The following CD86 variants were observed in gnomAD, a reference collection of about 807,000 sequenced individuals.
The protein encoded by CD86 is T-lymphocyte activation antigen CD86.
Under a neutral mutation model 32.1 loss-of-function variants are expected in CD86, and 11 were observed. That is an observed-to-expected ratio of 0.34 (90% confidence interval 0.22 to 0.57). The LOEUF (loss-of-function observed/expected upper bound fraction) is 0.57, where lower values mean the gene tolerates loss of function less well. Ranked by LOEUF, CD86 falls within the 20% of genes least tolerant of loss-of-function variation. The pLI is 0.86. For missense variants in CD86, 359 were observed against 398.4 expected (o/e 0.90, Z 0.84); for synonymous variants, 137 against 135.3 (o/e 1.01, Z -0.09).
chr3:122,085,766 G>A (rs1173129524), intron 1 of CD86, among the ~76,000 whole-genome samples: 4 of 152,068 alleles, frequency 2.6e-5, no homozygotes, highest in East Asian at 1.9e-4. Flanking sequence ...GAGAAGTAAC[G>A]CTGTGCAGCA....
chr3:122,116,400 G>A (rs1012524042), intron 5 of CD86, among the ~76,000 whole-genome samples: 5 of 152,086 alleles, frequency 3.3e-5, no homozygotes, highest in African/African-American at 4.8e-5. Context: ...AACATCATTA[G>A]TCATCAGGGA....
Position 122,055,410 on chromosome 3 carries a change from C to G in CD86, c.-80C>G. On this transcript the variant is annotated 5_prime_UTR_variant, in exon 1 of 7. Coordinates refer to ENST00000330540, the MANE Select transcript of CD86 (RefSeq NM_175862.5). ...ACAGGGTGAAAGCTTTGCTTCTCTG[C>G]TGCTGTAACAGGGACTAGCACAGAC... The G allele has an allele frequency of 7.2e-7, 1 of 1,392,824 alleles. No homozygotes were observed. The highest frequency in any genetic ancestry group is 1.2e-5 in the South Asian group (1 of 85,926). The allele number at this position is 1,392,824 out of a possible 1,614,324, so 86.3% of individuals were successfully genotyped here.
chr3:122,073,775 T>G (rs1158368316), intron 1 of CD86, among the ~76,000 whole-genome samples: 2 of 152,174 alleles, frequency 1.3e-5, no homozygotes, highest in Non-Finnish European at 2.9e-5. Flanking sequence ...GTGTTTACGG[T>G]GAAATCCTGG....
intron 1 of CD86, among the ~76,000 whole-genome samples, chr3:122,083,206 A>G (rs1470338151): frequency 1.3e-5 from 2 of 152,176 alleles, no homozygotes; most frequent in Non-Finnish European, 2.9e-5. Flanking sequence ...CACAGAAACC[A>G]TGGTCATCTT....
chr3:122,094,980 C>T (rs548302742), intron 2 of CD86, among the ~76,000 whole-genome samples: 2 of 152,288 alleles, frequency 1.3e-5, no homozygotes, highest in East Asian at 1.9e-4. Flanking sequence ...TAGGCTGGAG[C>T]CAGAGAGGTT....
At chr3:122,094,353 C>G (rs914427311) in intron 2 of CD86, among the ~76,000 whole-genome samples, 1 of 152,118 alleles carries the variant, frequency 6.6e-6, no homozygotes, top group African/African-American at 2.4e-5. Context: ...AAAGAGTTAC[C>G]AATATTGAAA....
At chr3:122,063,502 G>A (rs1235320957) in intron 1 of CD86, among the ~76,000 whole-genome samples, 1 of 151,970 alleles carries the variant, frequency 6.6e-6, no homozygotes, top group Non-Finnish European at 1.5e-5. Context: ...ACAACATAAG[G>A]CTACATACAG....
At chr3:122,057,317 G>A (rs1022235971) in intron 1 of CD86, among the ~76,000 whole-genome samples, 1 of 152,028 alleles carries the variant, frequency 6.6e-6, no homozygotes, top group Non-Finnish European at 1.5e-5. Context: ...TCTTGCTATT[G>A]TTTCTAATAA....
In CD86 at chr3:122,105,965, C is replaced by A. The variant is rs577980842; in HGVS notation, c.401-233C>A. Reference sequence around the variant, plus strand: ...CAGCCCTCCTGTCACTTAGAGAGCACCCCTTTGATTTGGATAAGCAGGAAG... The same window carrying A: ...CAGCCCTCCTGTCACTTAGAGAGCAACCCTTTGATTTGGATAAGCAGGAAG... On this transcript the variant is annotated intron_variant, in intron 3 of 6. Coordinates refer to ENST00000330540, the MANE Select transcript of CD86 (RefSeq NM_175862.5). 5.8e-4 allele frequency among the ~76,000 whole-genome samples: 89 copies of A among 152,220 alleles called. 1 individual carries two copies. The South Asian group carries it at 9.1e-3, about 16-fold the overall frequency.
intron 2 of CD86, among the ~76,000 whole-genome samples, chr3:122,097,714 C>T (rs13087981): frequency 1.3e-3 from 200 of 152,014 alleles, no homozygotes; most frequent in Admixed American, 2.7e-3. Flanking sequence ...ACTGAGTTAG[C>T]GTGGGGAATA....
intron 1 of CD86, among the ~76,000 whole-genome samples, chr3:122,073,410 G>A (rs566137025): frequency 6.6e-6 from 1 of 151,930 alleles, no homozygotes; most frequent in East Asian, 1.9e-4. Flanking sequence ...TGTGTATTTT[G>A]GATACCAGCC....
chr3:122,082,001 G>A (rs539476469), intron 1 of CD86, among the ~76,000 whole-genome samples: 14 of 152,344 alleles, frequency 9.2e-5, no homozygotes, highest in Non-Finnish European at 1.8e-4. Context: ...CAGGGTGAGA[G>A]CGATGGAGTG....
intron 2 of CD86, among the ~76,000 whole-genome samples, chr3:122,098,185 C>A (rs1345680332): frequency 1.3e-5 from 2 of 152,202 alleles, no homozygotes; most frequent in Non-Finnish European, 1.5e-5. Context: ...CGTGTCATGT[C>A]ATGTCATGAT....
chr3:122,071,976 G>A (rs536119922), intron 1 of CD86, among the ~76,000 whole-genome samples: 14 of 147,384 alleles, frequency 9.5e-5, no homozygotes, highest in South Asian at 2.1e-4. Flanking sequence ...GAGAACATGC[G>A]GTGTTTGGTT....
At chr3:122,059,213 G>C (rs2072287689) in intron 1 of CD86, among the ~76,000 whole-genome samples, 1 of 152,168 alleles carries the variant, frequency 6.6e-6, no homozygotes, top group African/African-American at 2.4e-5. Context: ...AAGTATGGTT[G>C]ACAGTTGAAA....
chr3:122,114,573 A>G (rs541665800), intron 5 of CD86, among the ~76,000 whole-genome samples: 38 of 152,322 alleles, frequency 2.5e-4, no homozygotes, highest in Non-Finnish European at 2.9e-4. Context: ...AGACATTGCA[A>G]GAAAAGAAAA....
chr3:122,103,456 G>GT (rs915271884), intron 2 of CD86, 56 bp from the exon 3 acceptor site: 72 of 1,184,230 alleles, frequency 6.1e-5, no homozygotes, highest in African/African-American at 4.1e-4. Flanking sequence ...AGAAATGGAG[G>GT]TTTTTTCCCC....
At position 122,070,244 on chromosome 3, in the gene CD86, A is replaced by T. The variant is rs1576760261; in HGVS notation, c.14+14741A>T. Among the ~76,000 whole-genome samples, 3 of 152,182 alleles carry T rather than the reference A, an allele frequency of 2.0e-5. No homozygotes were observed. In the South Asian group the frequency reaches 6.2e-4, roughly 32 times the overall value. ...CCTGGGTCCTAGTTTCTGGGTTCAGAAATTGATCGAATGCAAGAAAACAAT... is the reference window on the plus strand; with the variant it reads ...CCTGGGTCCTAGTTTCTGGGTTCAGTAATTGATCGAATGCAAGAAAACAAT... On this transcript the variant is annotated intron_variant, in intron 1 of 6. Coordinates refer to ENST00000330540, the MANE Select transcript of CD86 (RefSeq NM_175862.5).
chr3:122,077,385 A>G (rs36226551), intron 1 of CD86, among the ~76,000 whole-genome samples: 6,782 of 152,288 alleles, frequency 0.045, 214 homozygotes, highest in South Asian at 0.11. Context: ...GATTCATACA[A>G]TTGGGGTTAG....
Sources: gnomAD v4.1 joint callset for allele counts (sites outside exome capture counted in the v4.1 genomes callset) on GRCh38, gnomAD v4.1.1 for gene constraint, MANE v1.5 for transcripts, NCBI Gene and HGNC (gene_info 2026-07-23, HGNC 2026-07-21) for gene names.